Variants in TNPO1 observed in about 807,000 individuals in gnomAD.
TNPO1 encodes transportin-1.
TNPO1 carries 8 observed loss-of-function variants against 119.5 expected under a neutral mutation model. That is an observed-to-expected ratio of 0.07 (90% CI 0.04 to 0.12). The LOEUF (loss-of-function observed/expected upper bound fraction) is 0.12, where lower values mean the gene tolerates loss of function less well. TNPO1 is among the 10% of genes least tolerant of loss of function. The pLI is 1.00. For synonymous variants in TNPO1, 362 were observed against 363.0 expected (o/e 1.00, Z 0.03); for missense variants, 576 against 1,089.8 (o/e 0.53, Z 6.64).
chr5:72,835,262 C>A (rs1470536476), intron 1 of TNPO1, among the ~76,000 whole-genome samples: 1 of 152,046 alleles, frequency 6.6e-6, no homozygotes, highest in African/African-American at 2.4e-5. Flanking sequence ...CCATTTTTTT[C>A]TTTGTTCTTA....
chr5:72,877,740 A>T (rs1197432615), intron 9 of TNPO1, among the ~76,000 whole-genome samples: 7 of 152,162 alleles, frequency 4.6e-5, no homozygotes, highest in African/African-American at 1.4e-4. Context: ...CTTAATGTTA[A>T]GCCCATTTTT....
intron 23 of TNPO1, among the ~76,000 whole-genome samples, chr5:72,904,052 A>AT (rs1426284647): frequency 6.6e-6 from 1 of 152,212 alleles, no homozygotes; most frequent in Non-Finnish European, 1.5e-5. Context: ...TTTAAGGAAA[A>AT]TAGTATATGT....
intron 9 of TNPO1, 136 bp downstream of exon 9, chr5:72,877,482 T>G (rs1747883749): frequency 2.0e-6 from 1 of 489,546 alleles, no homozygotes; most frequent in South Asian, 4.7e-5. Context: ...ATTTTATTGT[T>G]GGTAAAGAGA....
chr5:72,865,082 C>T (rs907996907), intron 5 of TNPO1, among the ~76,000 whole-genome samples: 6 of 152,158 alleles, frequency 3.9e-5, no homozygotes, highest in African/African-American at 1.4e-4. Flanking sequence ...AATGCTAAAA[C>T]TAAAATATAC....
chr5:72,824,245 C>G (rs1006933667), intron 1 of TNPO1, among the ~76,000 whole-genome samples: 8 of 152,220 alleles, frequency 5.3e-5, no homozygotes, highest in Non-Finnish European at 7.3e-5. Flanking sequence ...TTTCTATCAG[C>G]AAACAGATAT....
At chr5:72,890,886 C>T (rs541144513) in intron 14 of TNPO1, among the ~76,000 whole-genome samples, 7 of 152,066 alleles carry the variant, frequency 4.6e-5, no homozygotes, top group Non-Finnish European at 7.4e-5. Context: ...CAAGGTCTCA[C>T]TCTGTCACCT....
In TNPO1 at chr5:72,816,736, G is replaced by T. The variant is rs746693226; in HGVS notation, c.-2G>T. On this transcript the variant is annotated 5_prime_UTR_variant, in exon 1 of 25. Transcript: ENST00000337273. ...AAGGCCCGAGCGCCCGAGGCGTCTG[G>T]GATGGTGTGGGACCGGGTAGGTGGC... 6.3e-7 allele frequency: 1 copy of T among 1,582,970 alleles called. No individual in the cohort carries two copies. Among genetic ancestry groups the T allele is most frequent in the Non-Finnish European group, 8.6e-7 (1 of 1,166,620 alleles).
intron 8 of TNPO1, 140 bp downstream of exon 8, chr5:72,875,877 G>T: frequency 9.2e-7 from 1 of 1,088,154 alleles, no homozygotes; most frequent in South Asian, 1.9e-5. Flanking sequence ...TTTGTGGGGA[G>T]TTTTGTATTT....
intron 19 of TNPO1, 51 bp downstream of exon 19, chr5:72,896,607 C>A (rs770722065): frequency 9.7e-6 from 14 of 1,442,932 alleles, no homozygotes; most frequent in Middle Eastern, 2.5e-4. Flanking sequence ...CGGTGGCTCA[C>A]GCCTGTAATC....
chr5:72,907,601 T>G (rs1750260435), intron 24 of TNPO1, among the ~76,000 whole-genome samples: 1 of 152,218 alleles, frequency 6.6e-6, no homozygotes, highest in African/African-American at 2.4e-5. Flanking sequence ...AATCTCCCAG[T>G]AATCTTACCT....
chr5:72,844,939 A>C (rs1404461670), intron 1 of TNPO1, among the ~76,000 whole-genome samples: 1 of 152,214 alleles, frequency 6.6e-6, no homozygotes. Context: ...TTAAAAACTT[A>C]CTCATGAGTA....
rs184981743 is a variant in TNPO1 at position 72,895,104 on chromosome 5, A to G, written c.2144-1354A>G. ...ATTTGAAGTCTTAATATTTTAGTACATACTATACTATCTCTTCTTACAATT... is the reference window on the plus strand; with the variant it reads ...ATTTGAAGTCTTAATATTTTAGTACGTACTATACTATCTCTTCTTACAATT... On this transcript the variant is annotated intron_variant, in intron 18 of 24. Transcript: ENST00000337273. Among the ~76,000 whole-genome samples, 19 of 152,322 alleles carry G rather than the reference A, an allele frequency of 1.2e-4. No homozygotes were observed. In the East Asian group the frequency reaches 3.5e-3, roughly 28 times the overall value.
At position 72,853,337 on chromosome 5, in the gene TNPO1, A is replaced by C. The variant is rs564530857; in HGVS notation, c.205+2018A>C. 3.9e-5 allele frequency among the ~76,000 whole-genome samples: 6 copies of C among 152,308 alleles called. No individual in the cohort carries two copies. In the South Asian group the frequency reaches 1.2e-3, roughly 32 times the overall value. ...CACACCTGTGGTCCCGCTACTCAGGAGGCTGAGGTGGGAGGATCACCTGAG... is the reference window on the plus strand; with the variant it reads ...CACACCTGTGGTCCCGCTACTCAGGCGGCTGAGGTGGGAGGATCACCTGAG... On this transcript the variant is annotated intron_variant, in intron 3 of 24. Transcript: ENST00000337273.
At chr5:72,876,951 C>T (rs1022673793) in intron 8 of TNPO1, among the ~76,000 whole-genome samples, 2 of 151,560 alleles carry the variant, frequency 1.3e-5, no homozygotes, top group Admixed American at 6.6e-5. Flanking sequence ...AAAAATTAGC[C>T]GGGTGTGGTG....
At chr5:72,860,500 G>T (rs544472931) in intron 4 of TNPO1, among the ~76,000 whole-genome samples, 1 of 152,206 alleles carries the variant, frequency 6.6e-6, no homozygotes, top group Admixed American at 6.5e-5. Flanking sequence ...GTGTGTATTT[G>T]CATAATTCAT....
intron 6 of TNPO1, among the ~76,000 whole-genome samples, chr5:72,868,101 A>T (rs1367724720): frequency 1.3e-5 from 2 of 151,948 alleles, no homozygotes; most frequent in East Asian, 3.9e-4. Context: ...TTTTGTCTTT[A>T]CTAAGAGTTT....
chr5:72,882,648 C>G, intron 10 of TNPO1, 121 bp downstream of exon 10: 9 of 647,570 alleles, frequency 1.4e-5, no homozygotes, highest in Admixed American at 2.7e-5. Flanking sequence ...TTCCTATTAT[C>G]CATAATAGGA....
In TNPO1 at chr5:72,909,955, G is replaced by A. The variant is rs185354334; in HGVS notation, c.*1282G>A. 4.6e-5 allele frequency: 7 copies of A among 152,640 alleles called. No homozygotes were observed. Among genetic ancestry groups the A allele is most frequent in the East Asian group, 3.9e-4 (2 of 5,188 alleles). 9.5% of individuals were successfully genotyped at this position (152,640 alleles called of 1,614,324 possible). A position where few individuals can be genotyped will look rare whatever the true frequency, so the allele number is the denominator to read the frequency against. ...TCAAAACTTCTAAAATTTAAATTACGTGGTAAAAGATCTGTAAAAGGCTGC... is the reference window on the plus strand; with the variant it reads ...TCAAAACTTCTAAAATTTAAATTACATGGTAAAAGATCTGTAAAAGGCTGC... On this transcript the variant is annotated 3_prime_UTR_variant, in exon 25 of 25. Coordinates refer to ENST00000337273, the MANE Select transcript of TNPO1 (RefSeq NM_002270.4).
chr5:72,822,029 T>C (rs1337280968), intron 1 of TNPO1, among the ~76,000 whole-genome samples: 2 of 152,146 alleles, frequency 1.3e-5, no homozygotes, highest in African/African-American at 2.4e-5. Flanking sequence ...AGGTCTTAAT[T>C]AGACAAACTC....
Sources: allele counts gnomAD v4.1 joint callset (sites outside exome capture counted in the v4.1 genomes callset), GRCh38; gene constraint gnomAD v4.1.1; transcripts MANE v1.5; gene names NCBI Gene and HGNC (gene_info 2026-07-23, HGNC 2026-07-21).